The following PCDH11X variants were observed in gnomAD, a reference collection of about 807,000 sequenced individuals.
The protein encoded by PCDH11X is protocadherin 11 X-linked, also known as protocadherin-11 X-linked.
A neutral mutation model predicts 53.3 loss-of-function variants in PCDH11X; 18 were observed. The ratio of observed to expected loss-of-function variants is 0.34; its 90% CI spans 0.23 to 0.50. PCDH11X has a LOEUF of 0.50. Among genes scored for constraint, PCDH11X ranks in the 20% least tolerant of loss-of-function variants. The probability of loss-of-function intolerance (pLI) is 0.98; values close to 1 mark genes in which losing one functional copy is unlikely to be tolerated. For missense variants in PCDH11X, 570 were observed against 1,032.4 expected, an observed-to-expected ratio of 0.55 and a Z score of 6.14; for synonymous variants, 279 against 393.3, an observed-to-expected ratio of 0.71 and a Z score of 3.44.
At chrX:92,067,677 T>C (rs1338436553) in intron 6 of PCDH11X, among the ~76,000 whole-genome samples, 1 of 107,029 alleles carries the variant, frequency 9.3e-6, no homozygotes, top group African/African-American at 3.8e-5. Context: ...CCGGCCATGT[T>C]GAATGAGTTT....
intron 7 of PCDH11X, among the ~76,000 whole-genome samples, chrX:92,219,526 C>T (rs910820577): frequency 2.0e-4 from 22 of 109,378 alleles, no homozygotes; most frequent in African/African-American, 7.3e-4. Flanking sequence ...AACTACAAAC[C>T]ACTGCTCAAT....
At chrX:91,953,620 T>C (rs1015763729) in intron 6 of PCDH11X, among the ~76,000 whole-genome samples, 72 of 111,211 alleles carry the variant, frequency 6.5e-4, no homozygotes, top group Non-Finnish European at 1.2e-3. Context: ...GACATTTAGA[T>C]CTTGTTCCTC....
chrX:92,537,304 C>A (rs891715132), intron 10 of PCDH11X, among the ~76,000 whole-genome samples: 24 of 107,738 alleles, frequency 2.2e-4, no homozygotes, highest in Non-Finnish European at 3.8e-4. Flanking sequence ...ATTTTCCCCC[C>A]CAAAAGTGAA....
chrX:92,217,330 T>C (rs2066742496), intron 7 of PCDH11X, among the ~76,000 whole-genome samples: 1 of 107,593 alleles, frequency 9.3e-6, no homozygotes, highest in Non-Finnish European at 1.9e-5. Context: ...GAGACACACA[T>C]AGGCTCAAAA....
intron 6 of PCDH11X, among the ~76,000 whole-genome samples, chrX:92,117,292 C>T (rs1378944299): frequency 3.7e-5 from 4 of 109,441 alleles, no homozygotes; most frequent in East Asian, 2.9e-4. Flanking sequence ...AAAAATTAGC[C>T]GAGCATGGTG....
intron 6 of PCDH11X, among the ~76,000 whole-genome samples, chrX:92,092,928 TC>T (rs1185042614): frequency 9.0e-6 from 1 of 110,990 alleles, no homozygotes; most frequent in African/African-American, 3.3e-5. Flanking sequence ...TTTACCACCA[TC>T]CCCCTTAATG....
chrX:91,877,824 A>C lies in PCDH11X; in HGVS notation c.1584A>C (p.Leu528=). The change falls in exon 6 of 11, where the codon CTA becomes CTC. Residue 528 remains leucine (L), a synonymous_variant. Transcript: ENST00000682573. ...GCATGCTGACTGTAGTGAAGAAACT[A>C]GATAGAGAAAAAGAGGATAAATATT... ...RTGMLTVVKK[L]DREKEDKYLF... 8.3e-7 allele frequency: 1 copy of C among 1,211,564 alleles called. No homozygotes were observed. Among genetic ancestry groups the C allele is most frequent in the Non-Finnish European group, 1.1e-6 (1 of 895,413 alleles).
At position 92,619,107 on chromosome X, in the gene PCDH11X, A is replaced by T. The variant is rs980254444; in HGVS notation, c.*167A>T. 3 of 561,755 alleles carry T rather than the reference A, an allele frequency of 5.3e-6. No homozygotes were observed. The African/African-American group carries it at 7.1e-5, about 13-fold the overall frequency. 46.3% of individuals were successfully genotyped at this position (561,755 alleles called of 1,213,427 possible). On this transcript the variant is annotated 3_prime_UTR_variant, in exon 11 of 11. Coordinates refer to ENST00000682573, the MANE Select transcript of PCDH11X (RefSeq NM_032968.5). The stretch of plus-strand genomic sequence containing the variant: ...CCCTTAGTCAATAGTTAACCAAAAA[A>T]TTGCAATTTGTTTAATTCAGAATGT...
intron 10 of PCDH11X, among the ~76,000 whole-genome samples, chrX:92,608,397 A>G (rs1478285326): frequency 1.9e-5 from 2 of 106,144 alleles, no homozygotes; most frequent in Non-Finnish European, 3.9e-5. Context: ...ATGCACCTGA[A>G]CAAAAATCAT....
At chrX:91,902,498 A>T (rs1280077596) in intron 6 of PCDH11X, among the ~76,000 whole-genome samples, 1 of 101,110 alleles carries the variant, frequency 9.9e-6, no homozygotes, top group Non-Finnish European at 2.0e-5. Flanking sequence ...TGTCCACTGC[A>T]TAAGTGTTAA....
intron 10 of PCDH11X, among the ~76,000 whole-genome samples, chrX:92,505,407 C>A (rs1246145911): frequency 9.1e-6 from 1 of 110,054 alleles, no homozygotes; most frequent in Non-Finnish European, 1.9e-5. Flanking sequence ...CTGTTTCAAT[C>A]TTCTGGATAT....
intron 8 of PCDH11X, among the ~76,000 whole-genome samples, chrX:92,317,481 AT>A (rs1213936788): frequency 9.0e-6 from 1 of 111,240 alleles, no homozygotes. Flanking sequence ...TGCACATTGT[AT>A]TTTAAAATCA....
At chrX:92,146,447 C>G (rs2065268624) in intron 6 of PCDH11X, among the ~76,000 whole-genome samples, 1 of 111,045 alleles carries the variant, frequency 9.0e-6, no homozygotes, top group African/African-American at 3.3e-5. Context: ...GGTTTTTGTT[C>G]TACTAATTAA....
At chrX:92,456,056 A>G (rs1264183392) in intron 9 of PCDH11X, among the ~76,000 whole-genome samples, 1 of 112,139 alleles carries the variant, frequency 8.9e-6, no homozygotes, top group African/African-American at 3.2e-5. Context: ...TGTCCATGCA[A>G]AATAAGTGAA....
At chrX:91,841,296 C>T (rs898910430) in intron 5 of PCDH11X, among the ~76,000 whole-genome samples, 1 of 111,736 alleles carries the variant, frequency 8.9e-6, no homozygotes, top group African/African-American at 3.2e-5. Context: ...TTGTTAAATA[C>T]ATCTGTTATT....
chrX:91,782,160 G>C (rs1190870457), intron 1 of PCDH11X, among the ~76,000 whole-genome samples: 1 of 112,486 alleles, frequency 8.9e-6, no homozygotes, highest in Admixed American at 9.3e-5. Flanking sequence ...GGCCTCTCCT[G>C]GGTCCCGGCT....
chrX:92,103,056 A>C (rs2064295677), intron 6 of PCDH11X, among the ~76,000 whole-genome samples: 1 of 110,381 alleles, frequency 9.1e-6, no homozygotes, highest in Non-Finnish European at 1.9e-5. Flanking sequence ...ATCAGTTGCC[A>C]GGGAAGGAGT....
intron 6 of PCDH11X, among the ~76,000 whole-genome samples, chrX:92,091,350 A>T (rs753467984): frequency 1.0e-3 from 110 of 110,072 alleles, no homozygotes; most frequent in African/African-American, 3.6e-3. Context: ...ATTTGTTGTC[A>T]GACTTCCTGT....
intron 7 of PCDH11X, among the ~76,000 whole-genome samples, chrX:92,229,166 A>T (rs1477416024): frequency 2.7e-5 from 3 of 111,806 alleles, no homozygotes; most frequent in African/African-American, 9.7e-5. Context: ...TGAACTGGAC[A>T]TTTAGAAATT....
Sources: gnomAD v4.1 joint callset for allele counts (sites outside exome capture counted in the v4.1 genomes callset) on GRCh38, gnomAD v4.1.1 for gene constraint, MANE v1.5 for transcripts, NCBI Gene and HGNC (gene_info 2026-07-23, HGNC 2026-07-21) for gene names.